Variants in PLEKHA8 observed in about 807,000 individuals in gnomAD.
PLEKHA8 encodes pleckstrin homology domain-containing family A member 8.
Under a neutral mutation model 68.2 loss-of-function variants are expected in PLEKHA8, and 36 were observed. The observed-to-expected ratio is 0.53, with a 90% CI of 0.40 to 0.70. PLEKHA8 has a LOEUF of 0.70. Among genes scored for constraint, PLEKHA8 ranks in the 30% least tolerant of loss-of-function variants. The pLI, the probability that PLEKHA8 is intolerant of heterozygous loss-of-function variation, is 0.00. For missense variants in PLEKHA8, 505 were observed against 615.4 expected, an observed-to-expected ratio of 0.82 and a Z score of 1.90; for synonymous variants, 211 against 216.1, an observed-to-expected ratio of 0.98 and a Z score of 0.20.
In PLEKHA8 at chr7:30,066,053, G is replaced by A. The variant is rs1051220490; in HGVS notation, c.1300+3311G>A. ...TAGTCATCTAGACTTAGGCCTTTGA[G>A]GTTCACCTGTCACTTGTCTACATCT... On this transcript the variant is annotated intron_variant, in intron 12 of 13. Coordinates refer to ENST00000449726, the MANE Select transcript of PLEKHA8 (RefSeq NM_001197026.2). Among the ~76,000 whole-genome samples the A allele has an allele frequency of 4.6e-5, 7 of 152,168 alleles. No individual in the cohort carries two copies. The East Asian group carries it at 1.3e-3, about 29-fold the overall frequency.
At position 30,078,678 on chromosome 7, in the gene PLEKHA8, T is replaced by C. The variant is rs1170498061; in HGVS notation, c.1451T>C (p.Ile484Thr). The C allele has an allele frequency of 1.2e-6, 2 of 1,613,856 alleles. No individual in the cohort carries two copies. Among genetic ancestry groups the C allele is most frequent in the Non-Finnish European group, 1.7e-6 (2 of 1,179,838 alleles). ...EGDHQKEAFS[I>T]GMQRDLSLYL... ...GACCACCAGAAAGAAGCTTTCAGTA[T>C]TGGGATGCAGAGGGACCTCAGCCTT... The change falls in exon 14 of 14, where the codon ATT (isoleucine) becomes ACT (threonine). Residue 484 changes from isoleucine to threonine, a missense_variant. Transcript: ENST00000449726.
At chr7:30,050,312 A>T in intron 5 of PLEKHA8, 122 bp from the exon 6 acceptor site, 1 of 1,292,678 alleles carries the variant, frequency 7.7e-7, no homozygotes, top group South Asian at 1.7e-5. Flanking sequence ...GTTTTTGTTT[A>T]GTGGGGCTAG....
intron 11 of PLEKHA8, among the ~76,000 whole-genome samples, chr7:30,062,460 T>TG (rs1793516536): frequency 6.6e-6 from 1 of 152,084 alleles, no homozygotes. Context: ...AACCACTTCT[T>TG]TAGGTATATC....
chr7:30,053,942 T>C (rs542685643), intron 7 of PLEKHA8, among the ~76,000 whole-genome samples: 1 of 152,356 alleles, frequency 6.6e-6, no homozygotes, highest in African/African-American at 2.4e-5. Context: ...CTTTAATATG[T>C]ATTGTTGATT....
chr7:30,055,126 G>A (rs1243723048), intron 8 of PLEKHA8, 131 bp from the exon 9 acceptor site: 1 of 828,750 alleles, frequency 1.2e-6, no homozygotes, highest in Non-Finnish European at 2.0e-6. Context: ...TAGAAAAACA[G>A]TTACTGGGGC....
intron 12 of PLEKHA8, chr7:30,090,135 G>C: frequency 6.5e-7 from 1 of 1,547,560 alleles, no homozygotes; most frequent in Non-Finnish European, 8.7e-7. Flanking sequence ...TAGATTAAAA[G>C]AGTGCACTAT....
chr7:30,067,918 A>G (rs759303237), intron 12 of PLEKHA8, among the ~76,000 whole-genome samples: 7 of 152,356 alleles, frequency 4.6e-5, no homozygotes, highest in Admixed American at 6.5e-5. Flanking sequence ...ATTAAAAGCA[A>G]TTCTACAATG....
chr7:30,116,436 A>G (rs563810388), intron 13 of PLEKHA8, among the ~76,000 whole-genome samples: 5 of 152,248 alleles, frequency 3.3e-5, no homozygotes, highest in African/African-American at 1.2e-4. Context: ...ATTAAAATTC[A>G]TTAAAGAACA....
Position 30,083,449 on chromosome 7 carries a change from T to C in PLEKHA8, c.*4662T>C, listed in dbSNP as rs1795042354. 2.0e-6 allele frequency: 2 copies of C among 985,300 alleles called. No homozygotes were observed. The highest frequency in any genetic ancestry group is 2.4e-6 in the Non-Finnish European group (2 of 829,854). The allele number at this position is 985,300 out of a possible 1,614,324, so 61.0% of individuals were successfully genotyped here. A position where few individuals can be genotyped will look rare whatever the true frequency, so the allele number is the denominator to read the frequency against. Reference sequence around the variant, plus strand: ...TTTACTAGACCTTCCCTGTAAATGTTCCCAATTCCCATCCTGTCTCAGACA... The same window carrying C: ...TTTACTAGACCTTCCCTGTAAATGTCCCCAATTCCCATCCTGTCTCAGACA... On this transcript the variant is annotated 3_prime_UTR_variant, in exon 14 of 14. Transcript: ENST00000449726.
chr7:30,080,303 G>A lies in PLEKHA8; in HGVS notation c.*1516G>A, dbSNP rs1460751193. ...GTCTCAGTAGACCATGCTGCCTCGA[G>A]TGTGCATCGGAGAGAAGCCATGGGT... On this transcript the variant is annotated 3_prime_UTR_variant, in exon 14 of 14. Coordinates refer to ENST00000449726, the MANE Select transcript of PLEKHA8 (RefSeq NM_001197026.2). 1.0e-6 allele frequency: 1 copy of A among 985,310 alleles called. No individual in the cohort carries two copies. The highest frequency in any genetic ancestry group is 1.1e-4 in the East Asian group (1 of 8,822). 61.0% of individuals were successfully genotyped at this position (985,310 alleles called of 1,614,324 possible). A position where few individuals can be genotyped will look rare whatever the true frequency, so the allele number is the denominator to read the frequency against.
chr7:30,101,427 C>T (rs1279686899), intron 13 of PLEKHA8, among the ~76,000 whole-genome samples: 1 of 103,128 alleles, frequency 9.7e-6, no homozygotes, highest in African/African-American at 4.2e-5. Flanking sequence ...TGCCAGAAAC[C>T]GTGGTCGGGT....
chr7:30,066,670 A>G (rs2127991408), intron 12 of PLEKHA8, among the ~76,000 whole-genome samples: 1 of 152,328 alleles, frequency 6.6e-6, no homozygotes, highest in South Asian at 2.1e-4. Context: ...TTGCAAGTGG[A>G]AGGAAGAAAA....
At chr7:30,051,933 A>G (rs568284092) in intron 6 of PLEKHA8, among the ~76,000 whole-genome samples, 3 of 152,282 alleles carry the variant, frequency 2.0e-5, no homozygotes, top group African/African-American at 7.2e-5. Context: ...AGATCACACC[A>G]TTGCACTCCA....
chr7:30,081,826 T>C lies in PLEKHA8; in HGVS notation c.*3039T>C. ...ATTTCATCGTGCCTGTACTTTTCTC[T>C]ATGGTAAAAGCCAGTGTTTACACTT... On this transcript the variant is annotated 3_prime_UTR_variant, in exon 14 of 14. Coordinates refer to ENST00000449726, the MANE Select transcript of PLEKHA8 (RefSeq NM_001197026.2). The C allele has an allele frequency of 1.0e-6, 1 of 985,438 alleles. No individual in the cohort carries two copies. Among genetic ancestry groups the C allele is most frequent in the African/African-American group, 1.7e-5 (1 of 57,370 alleles). 61.0% of individuals were successfully genotyped at this position (985,438 alleles called of 1,614,324 possible). A position where few individuals can be genotyped will look rare whatever the true frequency, so the allele number is the denominator to read the frequency against.
At chr7:30,124,104 T>C (rs1441186284) in intron 13 of PLEKHA8, among the ~76,000 whole-genome samples, 1 of 152,164 alleles carries the variant, frequency 6.6e-6, no homozygotes, top group Non-Finnish European at 1.5e-5. Context: ...AATACAACTG[T>C]GTGTGTGCTT....
At chr7:30,078,367 C>A (rs183193252) in intron 13 of PLEKHA8, among the ~76,000 whole-genome samples, 75 of 152,274 alleles carry the variant, frequency 4.9e-4, no homozygotes, top group Middle Eastern at 6.8e-3. Flanking sequence ...TAAGGTGGCC[C>A]AAGTACATGC....
chr7:30,040,564 A>G (rs1449472486), intron 1 of PLEKHA8, among the ~76,000 whole-genome samples: 1 of 152,168 alleles, frequency 6.6e-6, no homozygotes, highest in Non-Finnish European at 1.5e-5. Flanking sequence ...TAAATCACAT[A>G]CCCACCCTGG....
Position 30,108,067 on chromosome 7 carries a change from C to CAAAAAAAAAAAAAAAA in PLEKHA8, c.1363-21189_1363-21174dup, listed in dbSNP as rs796801365. On this transcript the variant is annotated intron_variant, in intron 13 of 13. Transcript: ENST00000396257. ...CTGGGCAAAAAGCAAAACTCCATCT[C>CAAAAAAAAAAAAAAAA]AAAAAAAAAAAAAAAAAAAAAAAAA... Among the ~76,000 whole-genome samples, 100 of 52,814 alleles carry CAAAAAAAAAAAAAAAA rather than the reference C, an allele frequency of 1.9e-3. 5 individuals carry two copies. The highest frequency in any genetic ancestry group is 6.8e-3 in the African/African-American group (93 of 13,644). The allele number at this position is 52,814 out of a possible 152,430, so 34.6% of individuals were successfully genotyped here. A position where few individuals can be genotyped will look rare whatever the true frequency, so the allele number is the denominator to read the frequency against.
At chr7:30,113,063 C>T (rs1167925211) in intron 13 of PLEKHA8, among the ~76,000 whole-genome samples, 1 of 152,116 alleles carries the variant, frequency 6.6e-6, no homozygotes, top group Non-Finnish European at 1.5e-5. Context: ...TTTTGTGCCT[C>T]CTTATGTCCC....
Sources: allele counts gnomAD v4.1 joint callset (sites outside exome capture counted in the v4.1 genomes callset), GRCh38; gene constraint gnomAD v4.1.1; transcripts MANE v1.5; gene names NCBI Gene and HGNC (gene_info 2026-07-23, HGNC 2026-07-21).